The following PKD1L1 variants were observed in gnomAD, a reference collection of about 807,000 sequenced individuals.
PKD1L1 encodes polycystin-1-like protein 1.
Under a neutral mutation model 323.4 loss-of-function variants are expected in PKD1L1, and 236 were observed. That is an observed-to-expected ratio of 0.73 (90% CI 0.66 to 0.81). The LOEUF (loss-of-function observed/expected upper bound fraction) is 0.81. Ranked by LOEUF, PKD1L1 falls within the 40% of genes least tolerant of loss-of-function variation. The probability of loss-of-function intolerance (pLI) is 0.00; values close to 1 mark genes in which losing one functional copy is unlikely to be tolerated. For missense variants in PKD1L1, 3,320 were observed against 3,508.0 expected, an observed-to-expected ratio of 0.95 and a Z score of 1.35; for synonymous variants, 1,344 against 1,335.0, an observed-to-expected ratio of 1.01 and a Z score of -0.15.
chr7:47,941,369 A>G (rs1787982708), intron 2 of PKD1L1, among the ~76,000 whole-genome samples: 1 of 152,136 alleles, frequency 6.6e-6, no homozygotes, highest in African/African-American at 2.4e-5. Flanking sequence ...GGGCTGGGCC[A>G]TCCTCACAGG....
At chr7:47,782,234 G>C (rs1470344838) in intron 56 of PKD1L1, among the ~76,000 whole-genome samples, 2 of 152,078 alleles carry the variant, frequency 1.3e-5, no homozygotes, top group Non-Finnish European at 2.9e-5. Flanking sequence ...CAGGGTGCAG[G>C]GTGTTGTAGG....
chr7:47,777,433 A>G (rs1448597278), intron 56 of PKD1L1, among the ~76,000 whole-genome samples: 2 of 152,296 alleles, frequency 1.3e-5, no homozygotes, highest in African/African-American at 4.8e-5. Context: ...GGTGTCCTCC[A>G]TCCTGAGGCA....
intron 19 of PKD1L1, among the ~76,000 whole-genome samples, chr7:47,884,189 G>GTT (rs1786630018): frequency 1.3e-5 from 2 of 151,962 alleles, no homozygotes; most frequent in African/African-American, 4.8e-5. Context: ...GGGGAAGGCG[G>GTT]GGGGAGTGGT....
intron 11 of PKD1L1, among the ~76,000 whole-genome samples, 191 bp from the exon 12 acceptor site, chr7:47,904,808 AC>A (rs1787167953): frequency 6.6e-6 from 1 of 151,806 alleles, no homozygotes; most frequent in African/African-American, 2.4e-5. Flanking sequence ...ATTTTTGACT[AC>A]CCCCCTCTTC....
At chr7:47,921,908 TTTCCC>T (rs1312008984) in intron 7 of PKD1L1, among the ~76,000 whole-genome samples, 3 of 94,392 alleles carry the variant, frequency 3.2e-5, no homozygotes, top group Non-Finnish European at 6.3e-5. Flanking sequence ...TCCCCTTCCC[TTTCCC>T]CCTCTCCCTC....
intron 26 of PKD1L1, among the ~76,000 whole-genome samples, chr7:47,864,269 C>T (rs1227208635): frequency 6.6e-6 from 1 of 152,138 alleles, no homozygotes; most frequent in African/African-American, 2.4e-5. Context: ...CTGGAGATTC[C>T]TTCTGTGGTG....
intron 34 of PKD1L1, among the ~76,000 whole-genome samples, chr7:47,842,002 T>C (rs775210155): frequency 4.6e-5 from 7 of 152,214 alleles, no homozygotes; most frequent in Non-Finnish European, 7.3e-5. Context: ...TTTTGGAAAC[T>C]TATATTCCTG....
chr7:47,955,238 A>G, the PKD1L1 span, among the ~76,000 whole-genome samples: 1 of 152,256 alleles, frequency 6.6e-6, no homozygotes, highest in East Asian at 1.9e-4. Context: ...ATGACAAATA[A>G]AAAGTTTAAT....
At chr7:47,939,213 T>A (rs1413236850) in intron 3 of PKD1L1, among the ~76,000 whole-genome samples, 6 of 152,142 alleles carry the variant, frequency 3.9e-5, no homozygotes, top group Admixed American at 3.9e-4. Flanking sequence ...AGAGAAAAGC[T>A]CCCAAACACA....
Position 47,839,302 on chromosome 7 carries a change from T to C in PKD1L1, c.5769+144A>G. ...TCAATGAATGTATCATTTAATATTT[T>C]GATATCGTGGTAATTAACTAAGAAA... On this transcript the variant is annotated intron_variant, in intron 36 of 56. Coordinates refer to ENST00000289672, the MANE Select transcript of PKD1L1 (RefSeq NM_138295.5). This position sits in a 1 kb window ranked among gnomAD's most constrained non-coding sequence, Gnocchi z 4.3. 1.6e-6 allele frequency: 1 copy of C among 635,716 alleles called. No individual in the cohort carries two copies. Among genetic ancestry groups the C allele is most frequent in the Non-Finnish European group, 2.7e-6 (1 of 371,160 alleles). The allele number at this position is 635,716 out of a possible 1,614,324, so 39.4% of individuals were successfully genotyped here. A position where few individuals can be genotyped will look rare whatever the true frequency, so the allele number is the denominator to read the frequency against.
intron 3 of PKD1L1, among the ~76,000 whole-genome samples, chr7:47,939,777 G>A (rs867487155): frequency 1.3e-5 from 2 of 152,150 alleles, no homozygotes; most frequent in East Asian, 1.9e-4. Context: ...CTCCCCACCT[G>A]GGGGACAGCA....
rs144725545 is a variant in PKD1L1 at position 47,905,424 on chromosome 7, G to A, written c.1523-99C>T. On this transcript the variant is annotated intron_variant, in intron 10 of 56. Coordinates refer to ENST00000289672, the MANE Select transcript of PKD1L1 (RefSeq NM_138295.5). ...TACTTTCCCACTTGGTCATGGGCTT[G>A]AGTGATGGTGAGGAAGCTCTGATAT... 1,168 of 1,294,320 alleles carry A rather than the reference G, an allele frequency of 9.0e-4. 4 individuals are homozygous for A. Among genetic ancestry groups the A allele is most frequent in the Middle Eastern group, 8.9e-3 (33 of 3,704 alleles). 80.2% of individuals were successfully genotyped at this position (1,294,320 alleles called of 1,614,324 possible). A position where few individuals can be genotyped will look rare whatever the true frequency, so the allele number is the denominator to read the frequency against.
chr7:47,873,444 C>A (rs539986645), intron 24 of PKD1L1, among the ~76,000 whole-genome samples: 1 of 151,800 alleles, frequency 6.6e-6, no homozygotes, highest in Non-Finnish European at 1.5e-5. Flanking sequence ...GTCAGGAGTT[C>A]GAGACCAGCC....
At chr7:47,775,208 C>T in intron 56 of PKD1L1, 42 bp from the exon 57 acceptor site, 1 of 1,612,806 alleles carries the variant, frequency 6.2e-7, no homozygotes, top group East Asian at 2.2e-5. Context: ...CAACACCCCT[C>T]TCTCAGTGAT....
At chr7:47,878,070 C>T (rs571074812) in intron 21 of PKD1L1, among the ~76,000 whole-genome samples, 73 of 152,046 alleles carry the variant, frequency 4.8e-4, no homozygotes, top group Non-Finnish European at 9.0e-4. Flanking sequence ...CAAACTTTCT[C>T]CATTCTCCTG....
intron 18 of PKD1L1, among the ~76,000 whole-genome samples, 153 bp from the exon 19 acceptor site, chr7:47,884,810 T>C (rs1464410660): frequency 6.6e-6 from 1 of 152,136 alleles, no homozygotes; most frequent in East Asian, 1.9e-4. Flanking sequence ...AGTGGTGGTG[T>C]CTTCCCTCAC....
At chr7:47,867,098 T>G (rs573423389) in intron 24 of PKD1L1, among the ~76,000 whole-genome samples, 2 of 152,362 alleles carry the variant, frequency 1.3e-5, no homozygotes, top group East Asian at 1.9e-4. Flanking sequence ...ATTTGCTGTA[T>G]GAGCACAAGA....
chr7:47,782,629 G>T (rs1786723317), intron 56 of PKD1L1, among the ~76,000 whole-genome samples: 1 of 152,138 alleles, frequency 6.6e-6, no homozygotes, highest in Non-Finnish European at 1.5e-5. Context: ...TCTCCACACT[G>T]GTGTAGTGAA....
chr7:47,888,104 A>C lies in PKD1L1; in HGVS notation c.2722T>G (p.Trp908Gly). ...WVSFKDTFVN[W>G]NDELSLQAMC... Reference sequence around the variant, plus strand: ...GCTTGAAGAGAGAGTTCGTCATTCCAGTTGACGAAGGTGTCTTTAAAGCTG... The same window carrying C: ...GCTTGAAGAGAGAGTTCGTCATTCCCGTTGACGAAGGTGTCTTTAAAGCTG... Residue 908 changes from tryptophan to glycine, a missense_variant, in exon 17 of 57, where the codon TGG (tryptophan) becomes GGG (glycine). Transcript: ENST00000289672. 3 of 1,613,986 alleles carry C rather than the reference A, an allele frequency of 1.9e-6. No homozygotes were observed. The highest frequency in any genetic ancestry group is 2.5e-6 in the Non-Finnish European group (3 of 1,179,858).
Sources: gnomAD v4.1 joint callset for allele counts (sites outside exome capture counted in the v4.1 genomes callset) on GRCh38, gnomAD v4.1.1 for gene constraint, Gnocchi (gnomAD v3.1) non-coding constraint, MANE v1.5 for transcripts, NCBI Gene and HGNC (gene_info 2026-07-23, HGNC 2026-07-21) for gene names.